Variants in GDAP2 observed in about 807,000 individuals in gnomAD.
The protein encoded by GDAP2 is ganglioside-induced differentiation-associated protein 2.
GDAP2 carries 51 observed loss-of-function variants against 67.0 expected under a neutral mutation model. That is an observed-to-expected ratio of 0.76 (90% CI 0.61 to 0.96). The LOEUF is 0.96. Ranked by LOEUF, GDAP2 falls within the 40% of genes least tolerant of loss-of-function variation. The pLI is 0.00. For missense variants in GDAP2, 547 were observed against 588.3 expected, an observed-to-expected ratio of 0.93 and a Z score of 0.73; for synonymous variants, 203 against 207.3, an observed-to-expected ratio of 0.98 and a Z score of 0.18.
At chr1:117,883,167 C>A (rs1648722657) in intron 11 of GDAP2, 1 of 174,680 alleles carries the variant, frequency 5.7e-6, no homozygotes, top group African/African-American at 2.4e-5. Flanking sequence ...CTAACCAACT[C>A]CTGGGTTAAA....
At position 117,869,682 on chromosome 1, in the gene GDAP2, G is replaced by GC. The variant is rs1648188993; in HGVS notation, c.*886dup. 1 of 152,604 alleles carries GC rather than the reference G, an allele frequency of 6.6e-6. No individual in the cohort carries two copies. The highest frequency in any genetic ancestry group is 1.5e-5 in the Non-Finnish European group (1 of 68,046). The allele number at this position is 152,604 out of a possible 1,614,324, so 9.5% of individuals were successfully genotyped here. ...ACACACTTCCTCCACACTGATGCAG[G>GC]CAACTCAAGAGATGCTGCTATGAAA... On this transcript the variant is annotated 3_prime_UTR_variant, in exon 14 of 14. Transcript: ENST00000369443.
rs148828043 is a variant in GDAP2, at chr1:117,895,414, C to T, written c.953+1419G>A. Among the ~76,000 whole-genome samples, 187 of 152,132 alleles carry T rather than the reference C, an allele frequency of 1.2e-3. 1 individual carries two copies. Among genetic ancestry groups the T allele is most frequent in the Non-Finnish European group, 1.9e-3 (129 of 68,000 alleles). On this transcript the variant is annotated intron_variant, in intron 8 of 13. Transcript: ENST00000369443. ...CAAGATTAAAAAAAAACACTGCTATCTTTCTCAATAAAAAAGTTATTTTAA... is the reference window on the plus strand; with the variant it reads ...CAAGATTAAAAAAAAACACTGCTATTTTTCTCAATAAAAAAGTTATTTTAA...
At chr1:117,873,089 C>G (rs1348477304) in intron 13 of GDAP2, among the ~76,000 whole-genome samples, 5 of 152,140 alleles carry the variant, frequency 3.3e-5, no homozygotes, top group Non-Finnish European at 7.4e-5. Flanking sequence ...AAGTTCAATA[C>G]TTAATGCCAT....
intron 1 of GDAP2, 121 bp downstream of exon 1, chr1:117,929,327 G>A (rs569102227): frequency 4.6e-5 from 7 of 152,482 alleles, no homozygotes; most frequent in Non-Finnish European, 7.3e-5. Context: ...TTCTTCAAGA[G>A]AAGTGACAGA....
In GDAP2 at chr1:117,870,606, G is replaced by A; in HGVS notation, c.1457C>T (p.Pro486Leu). ...TGATGGGGGATATGATGTATAGTAA[G>A]GCCCGTTTTCCTGTGGAAAGAAAAA... is the stretch of plus-strand genomic sequence containing the variant. Reference protein sequence around the residue: ...VLEYDARENGPYYTSYPPSPD... With the variant: ...VLEYDARENGLYYTSYPPSPD... The change falls in exon 14 of 14, where the codon CCT (proline) becomes CTT (leucine). Residue 486 changes from proline (P) to leucine (L), a missense_variant. Pro to Leu is a moderately conservative substitution (Grantham distance 98). Coordinates refer to ENST00000369443, the MANE Select transcript of GDAP2 (RefSeq NM_017686.4). 1 of 1,600,698 alleles carries A rather than the reference G, an allele frequency of 6.2e-7. No homozygotes were observed. The highest frequency in any genetic ancestry group is 8.6e-7 in the Non-Finnish European group (1 of 1,167,988).
intron 10 of GDAP2, 145 bp from the exon 11 acceptor site, chr1:117,883,772 G>T (rs1648752722): frequency 3.6e-6 from 2 of 552,060 alleles, no homozygotes; most frequent in Admixed American, 3.4e-5. Flanking sequence ...TCAGAGTGAT[G>T]AATATCCATT....
At chr1:117,893,475 G>A (rs1649159059) in intron 8 of GDAP2, among the ~76,000 whole-genome samples, 1 of 152,144 alleles carries the variant, frequency 6.6e-6, no homozygotes, top group Non-Finnish European at 1.5e-5. Flanking sequence ...GCCAATCCAT[G>A]TGACCTTTAG....
intron 8 of GDAP2, among the ~76,000 whole-genome samples, chr1:117,893,836 C>T (rs1386795533): frequency 6.6e-6 from 1 of 152,052 alleles, no homozygotes; most frequent in Non-Finnish European, 1.5e-5. Flanking sequence ...GGACCTTAAA[C>T]ATCTTTTGTT....
chr1:117,904,808 T>G (rs535636528), intron 6 of GDAP2, among the ~76,000 whole-genome samples: 12 of 152,326 alleles, frequency 7.9e-5, no homozygotes, highest in African/African-American at 2.9e-4. Flanking sequence ...TAACCTAGAC[T>G]TCACTCCTCA....
intron 8 of GDAP2, among the ~76,000 whole-genome samples, chr1:117,891,048 C>G (rs1649063349): frequency 6.6e-6 from 1 of 151,458 alleles, no homozygotes; most frequent in Admixed American, 6.6e-5. Flanking sequence ...AAGTACGATA[C>G]AAATATTTCA....
At position 117,865,111 on chromosome 1, in the gene GDAP2, T is replaced by C. The variant is rs1266630411; in HGVS notation, c.*5458A>G. ...CCATTTAATAATATCCTCAGCTGAT[T>C]TGATACATGCACATGAAAGTTTGGG... On this transcript the variant is annotated 3_prime_UTR_variant, in exon 14 of 14. Coordinates refer to ENST00000369443, the MANE Select transcript of GDAP2 (RefSeq NM_017686.4). 3.3e-5 allele frequency: 5 copies of C among 152,216 alleles called. No homozygotes were observed. Among genetic ancestry groups the C allele is most frequent in the African/African-American group, 9.6e-5 (4 of 41,460 alleles). 9.4% of individuals were successfully genotyped at this position (152,216 alleles called of 1,614,324 possible).
At chr1:117,895,633 T>C (rs899068894) in intron 8 of GDAP2, among the ~76,000 whole-genome samples, 1 of 152,178 alleles carries the variant, frequency 6.6e-6, no homozygotes, top group African/African-American at 2.4e-5. Context: ...CTTACACATA[T>C]GGCCAAGTTT....
Position 117,864,401 on chromosome 1 carries a change from A to G in GDAP2, c.*6168T>C, listed in dbSNP as rs1367850328. On this transcript the variant is annotated 3_prime_UTR_variant, in exon 14 of 14. Coordinates refer to ENST00000369443, the MANE Select transcript of GDAP2 (RefSeq NM_017686.4). The stretch of plus-strand genomic sequence containing the variant: ...ACTATGTGCTGAACAAATTAAAGTA[A>G]TAGTCTGAATAGGAGAAAACAGGGT... 6.6e-6 allele frequency: 1 copy of G among 152,166 alleles called. No homozygotes were observed. The highest frequency in any genetic ancestry group is 2.4e-5 in the African/African-American group (1 of 41,430). 9.4% of individuals were successfully genotyped at this position (152,166 alleles called of 1,614,324 possible).
At chr1:117,908,522 C>A (rs982789255) in intron 5 of GDAP2, among the ~76,000 whole-genome samples, 1 of 152,030 alleles carries the variant, frequency 6.6e-6, no homozygotes, top group Admixed American at 6.5e-5. Flanking sequence ...CAAAAACGAA[C>A]TTTCAAAAAA....
At chr1:117,912,442 A>G (rs1649888615) in intron 4 of GDAP2, 88 bp downstream of exon 4, 6 of 1,192,900 alleles carry the variant, frequency 5.0e-6, no homozygotes, top group Non-Finnish European at 5.9e-6. Context: ...TAGGTTTTTA[A>G]TCTTTAAAAA....
Position 117,864,688 on chromosome 1 carries a change from A to C in GDAP2, c.*5881T>G, listed in dbSNP as rs943279011. The stretch of plus-strand genomic sequence containing the variant: ...TTTTATGTTTATATATATTTAGATA[A>C]CATTATAATAAATATAAATTAAGCA... On this transcript the variant is annotated 3_prime_UTR_variant, in exon 14 of 14. Transcript: ENST00000369443. 10 of 152,166 alleles carry C rather than the reference A, an allele frequency of 6.6e-5. No homozygotes were observed. The highest frequency in any genetic ancestry group is 8.8e-5 in the Non-Finnish European group (6 of 68,028). The allele number at this position is 152,166 out of a possible 1,614,324, so 9.4% of individuals were successfully genotyped here.
chr1:117,901,055 G>T (rs942814076), intron 6 of GDAP2, among the ~76,000 whole-genome samples: 3 of 152,042 alleles, frequency 2.0e-5, no homozygotes, highest in African/African-American at 7.3e-5. Flanking sequence ...GTGAGACTCC[G>T]TCTCAAAAAA....
chr1:117,896,973 C>A lies in GDAP2; in HGVS notation c.813G>T (p.Glu271Asp), dbSNP rs1339181531. The change falls in exon 8 of 14, where the codon GAG becomes GAT. Residue 271 changes from glutamate (E) to aspartate (D), a missense_variant. Transcript: ENST00000369443. Reference sequence around the variant, plus strand: ...AGAGATCAACTCCCAAGCCTTCATCCTCCTCTTCTTGGTTATCTGTAACAA... The same window carrying A: ...AGAGATCAACTCCCAAGCCTTCATCATCCTCTTCTTGGTTATCTGTAACAA... ...PGAPEDNQEEEDEGLGVDLSF... is the reference protein window; with the variant it reads ...PGAPEDNQEEDDEGLGVDLSF... The A allele has an allele frequency of 6.2e-7, 1 of 1,605,296 alleles. No homozygotes were observed. The highest frequency in any genetic ancestry group is 8.5e-7 in the Non-Finnish European group (1 of 1,175,372).
chr1:117,926,878 C>G (rs1650461977), intron 1 of GDAP2, among the ~76,000 whole-genome samples: 1 of 151,990 alleles, frequency 6.6e-6, no homozygotes, highest in South Asian at 2.1e-4. Flanking sequence ...GCTCCTACAC[C>G]CAGTAATCTA....
Sources: allele counts gnomAD v4.1 joint callset (sites outside exome capture counted in the v4.1 genomes callset), GRCh38; gene constraint gnomAD v4.1.1; transcripts MANE v1.5; gene names NCBI Gene and HGNC (gene_info 2026-07-23, HGNC 2026-07-21).